The following CHRNB4 variants were observed in gnomAD, a reference collection of about 807,000 sequenced individuals.
CHRNB4 encodes the protein neuronal acetylcholine receptor subunit beta-4.
CHRNB4 carries 23 observed loss-of-function variants against 40.4 expected under a neutral mutation model. The observed-to-expected ratio is 0.57, with a 90% CI of 0.41 to 0.81. CHRNB4 has a LOEUF of 0.81. CHRNB4 is among the 30% of genes least tolerant of loss of function. The pLI is 0.00. For synonymous variants in CHRNB4, 285 were observed against 274.4 expected (o/e 1.04, Z -0.38); for missense variants, 568 against 670.6 (o/e 0.85, Z 1.69).
chr15:78,650,565 C>T (rs1040063428), intron 6 of CHRNB4, among the ~76,000 whole-genome samples: 1 of 152,188 alleles, frequency 6.6e-6, no homozygotes, highest in African/African-American at 2.4e-5. Flanking sequence ...AGTGCTGGTG[C>T]CCCTTGAGGA....
At chr15:78,628,626 T>C (rs2053717374) in intron 5 of CHRNB4, among the ~76,000 whole-genome samples, 1 of 152,188 alleles carries the variant, frequency 6.6e-6, no homozygotes, top group Non-Finnish European at 1.5e-5. Context: ...CCCACGGCAG[T>C]ATCCTGCTCA....
upstream of CHRNB4, chr15:78,641,286 C>A: frequency 1.6e-6 from 1 of 628,636 alleles, no homozygotes. Context: ...CCCGCCGAGC[C>A]CCGCCCACTC....
intron 1 of CHRNB4, among the ~76,000 whole-genome samples, chr15:78,640,737 G>C (rs933601868): frequency 4.6e-5 from 7 of 152,242 alleles, no homozygotes; most frequent in African/African-American, 1.7e-4. Flanking sequence ...TATACTCCCA[G>C]CCTCCCAGAC....
intron 6 of CHRNB4, among the ~76,000 whole-genome samples, chr15:78,652,291 T>A (rs1289318153): frequency 6.6e-6 from 1 of 151,108 alleles, no homozygotes; most frequent in East Asian, 2.3e-4. Flanking sequence ...CAACCTTCGC[T>A]GGCTGCTTTA....
At chr15:78,644,874 T>C (rs1466107391), upstream of CHRNB4, among the ~76,000 whole-genome samples, 2 of 152,206 alleles carry the variant, frequency 1.3e-5, no homozygotes, top group Non-Finnish European at 2.9e-5. Flanking sequence ...TCCATACCCC[T>C]TGGCATTGCC....
intron 3 of CHRNB4, among the ~76,000 whole-genome samples, chr15:78,657,054 A>G (rs1257880973): frequency 2.7e-5 from 4 of 149,886 alleles, no homozygotes; most frequent in African/African-American, 4.9e-5. Context: ...TTTTGGAGAC[A>G]GTTTCTGTCA....
chr15:78,624,522 T>C lies in CHRNB4; in HGVS notation c.*611A>G, dbSNP rs1217514806. The C allele has an allele frequency of 6.4e-6, 1 of 155,546 alleles. No individual in the cohort carries two copies. Among genetic ancestry groups the C allele is most frequent in the Non-Finnish European group, 1.4e-5 (1 of 70,540 alleles). The allele number at this position is 155,546 out of a possible 1,614,324, so 9.6% of individuals were successfully genotyped here. A position where few individuals can be genotyped will look rare whatever the true frequency, so the allele number is the denominator to read the frequency against. On this transcript the variant is annotated 3_prime_UTR_variant, in exon 6 of 6. Transcript: ENST00000261751. ...GCTCACACTTGTAATCCTAGCACTT[T>C]GGGAGGCCGAGGCAGGTGGGTCATT...
At position 78,641,026 on chromosome 15, in the gene CHRNB4, C is replaced by A. The variant is rs1026585939; in HGVS notation, c.55+53G>T. The A allele has an allele frequency of 5.5e-5, 84 of 1,537,636 alleles. No homozygotes were observed. The African/African-American group carries it at 8.7e-4, about 16-fold the overall frequency. On this transcript the variant is annotated intron_variant, in intron 1 of 5. Coordinates refer to ENST00000261751, the MANE Select transcript of CHRNB4 (RefSeq NM_000750.5). Reference sequence around the variant, plus strand: ...TCCCTCCCACCTGTGGCCAGTCCAGCCCCTTTCAGCCCAACCCAGGCGCCC... The same window carrying A: ...TCCCTCCCACCTGTGGCCAGTCCAGACCCTTTCAGCCCAACCCAGGCGCCC...
chr15:78,630,964 G>A (rs1567117089), intron 4 of CHRNB4, 112 bp downstream of exon 4: 1 of 800,210 alleles, frequency 1.2e-6, no homozygotes, highest in Non-Finnish European at 2.1e-6. Flanking sequence ...CTGGAAGGCT[G>A]GGTAAAGCAG....
upstream of CHRNB4, chr15:78,641,221 C>A (rs543908438): frequency 2.4e-6 from 3 of 1,245,626 alleles, no homozygotes; most frequent in East Asian, 3.1e-5. Flanking sequence ...GAGCGCCGGT[C>A]CTGGCCCCCG....
intron 5 of CHRNB4, among the ~76,000 whole-genome samples, chr15:78,653,716 G>T (rs1458016200): frequency 1.3e-5 from 2 of 152,174 alleles, no homozygotes; most frequent in African/African-American, 4.8e-5. Flanking sequence ...CACAGCGAGA[G>T]TCCTAGGGCC....
chr15:78,657,734 A>G (rs1477543683), intron 2 of CHRNB4, among the ~76,000 whole-genome samples: 1 of 151,838 alleles, frequency 6.6e-6, no homozygotes, highest in Non-Finnish European at 1.5e-5. Context: ...TTGTATTTTT[A>G]GTAGAGACAG....
chr15:78,639,353 T>C (rs1207603203), intron 1 of CHRNB4, among the ~76,000 whole-genome samples: 3 of 152,186 alleles, frequency 2.0e-5, no homozygotes, highest in Non-Finnish European at 4.4e-5. Context: ...TGGAGTGCAG[T>C]GGCATGATCT....
upstream of CHRNB4, among the ~76,000 whole-genome samples, chr15:78,643,888 G>A (rs976071166): frequency 1.3e-5 from 2 of 151,574 alleles, no homozygotes; most frequent in Non-Finnish European, 2.9e-5. Flanking sequence ...GGTGGCTCAC[G>A]CCTATAATCC....
intron 5 of CHRNB4, among the ~76,000 whole-genome samples, chr15:78,653,233 C>T (rs1044444284): frequency 3.9e-5 from 6 of 152,288 alleles, no homozygotes; most frequent in African/African-American, 1.4e-4. Context: ...ATGTGTACTT[C>T]CATCTGAAAG....
upstream of CHRNB4, chr15:78,661,376 AT>A: frequency 1.9e-6 from 1 of 530,826 alleles, no homozygotes. Flanking sequence ...GACCACGGCC[AT>A]TTTGTTTTCC....
chr15:78,643,086 C>A (rs1310163173), upstream of CHRNB4, among the ~76,000 whole-genome samples: 1 of 152,006 alleles, frequency 6.6e-6, no homozygotes, highest in African/African-American at 2.4e-5. Flanking sequence ...CCTAGAAAAC[C>A]AAATAAATGT....
chr15:78,630,914 C>G (rs1204517866), intron 4 of CHRNB4, 162 bp downstream of exon 4: 2 of 615,526 alleles, frequency 3.2e-6, no homozygotes, highest in Non-Finnish European at 5.8e-6. Flanking sequence ...ACTGAGGGCT[C>G]TGGCTCTGCT....
chr15:78,655,410 A>C (rs1406672965), intron 5 of CHRNB4: 2 of 148,852 alleles, frequency 1.3e-5, no homozygotes, highest in Non-Finnish European at 3.0e-5. Context: ...TTACATATCT[A>C]TATATATCTA....
Sources: gnomAD v4.1 joint callset for allele counts (sites outside exome capture counted in the v4.1 genomes callset) on GRCh38, gnomAD v4.1.1 for gene constraint, MANE v1.5 for transcripts, NCBI Gene and HGNC (gene_info 2026-07-23, HGNC 2026-07-21) for gene names.